Variants in NRG1 observed in about 807,000 individuals in gnomAD.
NRG1 encodes pro-neuregulin-1, membrane-bound isoform.
Under a neutral mutation model 63.8 loss-of-function variants are expected in NRG1, and 18 were observed. That is an observed-to-expected ratio of 0.28 (90% CI 0.19 to 0.42). NRG1 has a LOEUF of 0.42. NRG1 is among the 10% of genes least tolerant of loss of function. The probability of loss-of-function intolerance (pLI) is 1.00; values close to 1 mark genes in which losing one functional copy is unlikely to be tolerated. For missense variants in NRG1, 762 were observed against 814.7 expected (o/e 0.94, Z 0.79); for synonymous variants, 302 against 301.3 (o/e 1.00, Z -0.02).
At chr8:32,671,572 G>A (rs1805642902) in intron 5 of NRG1, among the ~76,000 whole-genome samples, 1 of 152,134 alleles carries the variant, frequency 6.6e-6, no homozygotes, top group Non-Finnish European at 1.5e-5. Context: ...CTTAAAAAAT[G>A]TTAAGCAGCA....
intron 3 of NRG1, among the ~76,000 whole-genome samples, chr8:32,607,591 T>G (rs1246091091): frequency 6.6e-6 from 1 of 152,150 alleles, no homozygotes; most frequent in Non-Finnish European, 1.5e-5. Flanking sequence ...TTTTTATTAA[T>G]TTGGGGGTAC....
At chr8:32,372,068 G>T (rs1282833649) in intron 1 of NRG1, among the ~76,000 whole-genome samples, 1 of 146,960 alleles carries the variant, frequency 6.8e-6, no homozygotes, top group African/African-American at 2.5e-5. Flanking sequence ...GACTGACTGT[G>T]GTGTCAACCT....
intron 1 of NRG1, among the ~76,000 whole-genome samples, chr8:32,037,977 A>T (rs995658345): frequency 6.6e-6 from 1 of 152,286 alleles, no homozygotes; most frequent in South Asian, 2.1e-4. Flanking sequence ...CCCCCTTCCC[A>T]CAGGAGTGGA....
intron 1 of NRG1, among the ~76,000 whole-genome samples, chr8:31,768,790 C>T (rs1818330407): frequency 6.6e-6 from 1 of 152,176 alleles, no homozygotes; most frequent in South Asian, 2.1e-4. Context: ...GAATCTGCTC[C>T]CCTTGTGAGC....
intron 1 of NRG1, among the ~76,000 whole-genome samples, chr8:31,846,416 C>T (rs1292377671): frequency 1.3e-5 from 2 of 152,164 alleles, no homozygotes; most frequent in African/African-American, 2.4e-5. Flanking sequence ...TCATTACCAG[C>T]CCCTTCCTCA....
chr8:31,855,238 T>G (rs1224491109), intron 1 of NRG1, among the ~76,000 whole-genome samples: 1 of 152,176 alleles, frequency 6.6e-6, no homozygotes, highest in Non-Finnish European at 1.5e-5. Context: ...TAACAATGTG[T>G]GGGAGTCTAA....
intron 1 of NRG1, among the ~76,000 whole-genome samples, chr8:32,299,963 A>C (rs914950272): frequency 1.2e-4 from 19 of 152,222 alleles, no homozygotes; most frequent in Admixed American, 3.3e-4. Flanking sequence ...AGTTAGATGA[A>C]GAGAGAAGGA....
At chr8:32,510,955 C>CTTTTT (rs60629097) in intron 1 of NRG1, among the ~76,000 whole-genome samples, 1 of 125,614 alleles carries the variant, frequency 8.0e-6, no homozygotes, top group Non-Finnish European at 1.6e-5. Flanking sequence ...TCTTTCTTTC[C>CTTTTT]TTTTTTTTTT....
intron 1 of NRG1, among the ~76,000 whole-genome samples, chr8:31,978,491 G>T (rs1329431620): frequency 6.6e-6 from 1 of 152,018 alleles, no homozygotes; most frequent in African/African-American, 2.4e-5. Flanking sequence ...TATATAATTT[G>T]CAGTACTATT....
intron 2 of NRG1, among the ~76,000 whole-genome samples, chr8:32,601,812 G>A (rs1844408775): frequency 6.6e-6 from 1 of 151,238 alleles, no homozygotes; most frequent in Admixed American, 6.6e-5. Flanking sequence ...GAATGTATTG[G>A]GGCTTTTATC....
chr8:31,650,282 A>G (rs547572643), intron 1 of NRG1, among the ~76,000 whole-genome samples: 3 of 152,308 alleles, frequency 2.0e-5, no homozygotes, highest in South Asian at 2.1e-4. Flanking sequence ...TTGGCCTGAA[A>G]TGCTACTTTT....
intron 5 of NRG1, among the ~76,000 whole-genome samples, chr8:32,667,488 C>CT (rs913101213): frequency 2.0e-5 from 3 of 152,152 alleles, no homozygotes; most frequent in African/African-American, 7.2e-5. Context: ...CCAATGGAAC[C>CT]TTTTTTTAGT....
Position 32,708,699 on chromosome 8 carries a change from G to A in NRG1, c.503-19250G>A, listed in dbSNP as rs184325702. Among the ~76,000 whole-genome samples the A allele has an allele frequency of 2.0e-5, 3 of 152,258 alleles. No homozygotes were observed. In the East Asian group the frequency reaches 5.8e-4, roughly 29 times the overall value. ...AGCCTATGAGATCATGTGTATTTTT[G>A]CCCTGGCATGTTGAAGTCACACAAT... On this transcript the variant is annotated intron_variant, in intron 5 of 11. Coordinates refer to ENST00000356819, the Ensembl canonical transcript of NRG1.
intron 1 of NRG1, among the ~76,000 whole-genome samples, chr8:32,550,543 G>A (rs972750146): frequency 6.6e-6 from 1 of 152,136 alleles, no homozygotes; most frequent in African/African-American, 2.4e-5. Flanking sequence ...AGGGGCCAGC[G>A]GTCTGAAGTA....
intron 1 of NRG1, among the ~76,000 whole-genome samples, chr8:32,246,057 G>T (rs1173479437): frequency 6.6e-6 from 1 of 152,040 alleles, no homozygotes; most frequent in African/African-American, 2.4e-5. Context: ...ATGCAAACAA[G>T]GAAGAGTTTT....
intron 5 of NRG1, among the ~76,000 whole-genome samples, chr8:32,716,121 A>G (rs895746225): frequency 3.3e-5 from 5 of 152,156 alleles, no homozygotes; most frequent in African/African-American, 1.2e-4. Context: ...TCTCTCCATT[A>G]TGGGAGTCAC....
chr8:32,514,765 A>G (rs1008918388), intron 1 of NRG1, among the ~76,000 whole-genome samples: 3 of 152,106 alleles, frequency 2.0e-5, no homozygotes, highest in Non-Finnish European at 2.9e-5. Context: ...CTGTTACCCT[A>G]TAGATTACTA....
chr8:32,133,961 A>C (rs563253340), intron 1 of NRG1, among the ~76,000 whole-genome samples: 323 of 152,304 alleles, frequency 2.1e-3, no homozygotes, highest in Non-Finnish European at 3.6e-3. Flanking sequence ...TGGAAAACAT[A>C]TATTAGCTAA....
rs1006071651 is a variant in NRG1 at position 32,183,169 on chromosome 8, G to C, written c.38-412659G>C. Among the ~76,000 whole-genome samples the C allele has an allele frequency of 9.5e-4, 145 of 152,292 alleles. 1 individual carries two copies. The highest frequency in any genetic ancestry group is 3.4e-3 in the African/African-American group (140 of 41,566). On this transcript the variant is annotated intron_variant, in intron 1 of 10. Transcript: ENST00000519301. ...CTGGATGGTGGAGCTGGGCTGGTAT[G>C]ACATTCTTTCCTTGTAGAACGTGCG...
Sources: gnomAD v4.1 joint callset for allele counts (sites outside exome capture counted in the v4.1 genomes callset) on GRCh38, gnomAD v4.1.1 for gene constraint, MANE v1.5 for transcripts, NCBI Gene and HGNC (gene_info 2026-07-23, HGNC 2026-07-21) for gene names.